The following TDP1 variants were observed in gnomAD, a reference collection of about 807,000 sequenced individuals.
The protein encoded by TDP1 is tyr-DNA phosphodiesterase 1.
TDP1 carries 64 observed loss-of-function variants against 81.5 expected under a neutral mutation model. The observed-to-expected ratio is 0.79, with a 90% CI of 0.64 to 0.97. The LOEUF (loss-of-function observed/expected upper bound fraction) is 0.97, where lower values mean the gene tolerates loss of function less well. Ranked by LOEUF, TDP1 falls within the 50% of genes least tolerant of loss-of-function variation. The probability of loss-of-function intolerance (pLI) is 0.00; values close to 1 mark genes in which losing one functional copy is unlikely to be tolerated. For synonymous variants in TDP1, 256 were observed against 264.3 expected (o/e 0.97, Z 0.30); for missense variants, 723 against 743.8 (o/e 0.97, Z 0.33).
chr14:89,963,210 T>G lies in TDP1; in HGVS notation c.96T>G (p.Ser32=). Residue 32 remains serine (S), a synonymous_variant, in exon 3 of 17, where the codon TCT becomes TCG. Coordinates refer to ENST00000335725, the MANE Select transcript of TDP1 (RefSeq NM_018319.4). ...AACCAGACAAGCCATCTACCTCTTC[T>G]CTTCTCTGTGCCAGGCAAGGAGCAG... ...KPKPDKPSTS[S]LLCARQGAAN... 1 of 1,614,172 alleles carries G rather than the reference T, an allele frequency of 6.2e-7. No homozygotes were observed. Among genetic ancestry groups the G allele is most frequent in the Non-Finnish European group, 8.5e-7 (1 of 1,180,030 alleles).
chr14:90,007,570 T>TA (rs1884189538), intron 14 of TDP1, among the ~76,000 whole-genome samples: 1 of 151,662 alleles, frequency 6.6e-6, no homozygotes, highest in Non-Finnish European at 1.5e-5. Context: ...ACCTGGGTAA[T>TA]AGAGCAAGAC....
At chr14:90,028,444 A>G (rs1403419239) in intron 15 of TDP1, among the ~76,000 whole-genome samples, 1 of 152,222 alleles carries the variant, frequency 6.6e-6, no homozygotes, top group African/African-American at 2.4e-5. Flanking sequence ...CAGAGCGACA[A>G]TCAGCTCTTT....
intron 7 of TDP1, among the ~76,000 whole-genome samples, chr14:89,976,612 C>T (rs968541748): frequency 6.9e-6 from 1 of 145,170 alleles, no homozygotes; most frequent in African/African-American, 2.6e-5. Context: ...TCTTGGCTCA[C>T]TGCAACCTCC....
At chr14:89,965,534 A>G (rs1892840757) in intron 3 of TDP1, among the ~76,000 whole-genome samples, 1 of 152,194 alleles carries the variant, frequency 6.6e-6, no homozygotes, top group African/African-American at 2.4e-5. Context: ...GGTCACGATG[A>G]TGGTGTACTT....
intron 7 of TDP1, among the ~76,000 whole-genome samples, chr14:89,979,064 G>C (rs983834962): frequency 1.3e-5 from 2 of 151,518 alleles, no homozygotes; most frequent in African/African-American, 4.9e-5. Context: ...TGTGTGAATT[G>C]AGTTTCATCA....
intron 2 of TDP1, among the ~76,000 whole-genome samples, chr14:89,961,136 A>G (rs944331753): frequency 2.6e-5 from 4 of 152,194 alleles, no homozygotes; most frequent in African/African-American, 9.7e-5. Context: ...GTAATGAGCA[A>G]ACGTGTGTTT....
intron 6 of TDP1, among the ~76,000 whole-genome samples, chr14:89,972,399 A>T (rs1234661338): frequency 6.6e-6 from 1 of 152,202 alleles, no homozygotes; most frequent in Non-Finnish European, 1.5e-5. Flanking sequence ...ATCACCTCCT[A>T]CCAGGCCCCT....
At chr14:89,980,269 C>T in intron 7 of TDP1, 1 of 985,390 alleles carries the variant, frequency 1.0e-6, no homozygotes, top group Non-Finnish European at 1.2e-6. Context: ...AATAAGGGGC[C>T]AGGCTGGAGG....
intron 8 of TDP1, among the ~76,000 whole-genome samples, chr14:89,982,613 AG>A (rs1249268439): frequency 6.6e-6 from 1 of 152,162 alleles, no homozygotes; most frequent in Non-Finnish European, 1.5e-5. Context: ...GGTTGCCAGG[AG>A]GGAAGAGGCA....
At chr14:89,976,272 A>AT (rs1894304513) in intron 7 of TDP1, among the ~76,000 whole-genome samples, 1 of 151,756 alleles carries the variant, frequency 6.6e-6, no homozygotes, top group South Asian at 2.1e-4. Flanking sequence ...TGCCTGGCTA[A>AT]TTTTTTTGTA....
At chr14:89,997,716 C>A (rs555904415) in intron 14 of TDP1, among the ~76,000 whole-genome samples, 2 of 152,230 alleles carry the variant, frequency 1.3e-5, no homozygotes, top group East Asian at 3.9e-4. Flanking sequence ...CATTGCCAAA[C>A]AAATGAATTG....
chr14:89,992,271 G>A (rs571669650), intron 13 of TDP1, among the ~76,000 whole-genome samples: 1 of 152,290 alleles, frequency 6.6e-6, no homozygotes, highest in African/African-American at 2.4e-5. Context: ...ATTTACATAA[G>A]CAGCATTTTA....
At chr14:90,026,005 C>T (rs1348860259) in intron 15 of TDP1, among the ~76,000 whole-genome samples, 1 of 152,212 alleles carries the variant, frequency 6.6e-6, no homozygotes, top group African/African-American at 2.4e-5. Context: ...ATGAAAGTAG[C>T]CCAGGTGTCC....
At chr14:90,018,882 C>A in intron 14 of TDP1, 1 of 783,596 alleles carries the variant, frequency 1.3e-6, no homozygotes, top group Non-Finnish European at 1.5e-6. Flanking sequence ...ATTAGCACTA[C>A]CTGGCAAAAA....
At chr14:90,032,757 T>G (rs1887425539) in intron 15 of TDP1, 3 of 985,388 alleles carry the variant, frequency 3.0e-6, no homozygotes, top group Non-Finnish European at 3.6e-6. Context: ...TGAGGTATTT[T>G]TATACAGTGA....
intron 15 of TDP1, among the ~76,000 whole-genome samples, chr14:90,021,342 AT>A (rs1886071870): frequency 1.3e-5 from 2 of 152,184 alleles, no homozygotes; most frequent in Non-Finnish European, 2.9e-5. Flanking sequence ...AGGAGGTGTG[AT>A]TATAGTGACT....
At chr14:90,000,969 A>C (rs890455478) in intron 14 of TDP1, among the ~76,000 whole-genome samples, 36 of 152,346 alleles carry the variant, frequency 2.4e-4, no homozygotes, top group Admixed American at 2.2e-3. Flanking sequence ...TAAAAATAAT[A>C]GTCCTATAAA....
intron 14 of TDP1, among the ~76,000 whole-genome samples, chr14:90,009,152 T>G (rs2140215145): frequency 6.6e-6 from 1 of 152,394 alleles, no homozygotes; most frequent in South Asian, 2.1e-4. Flanking sequence ...ATTTGTGTCT[T>G]CACTGAAGCT....
At position 89,989,731 on chromosome 14, in the gene TDP1, G is replaced by A; in HGVS notation, c.1332G>A (p.Val444=). The A allele has an allele frequency of 6.2e-7, 1 of 1,611,166 alleles. No homozygotes were observed. The highest frequency in any genetic ancestry group is 8.5e-7 in the Non-Finnish European group (1 of 1,177,500). The change falls in exon 12 of 17, where the codon GTG becomes GTA. Residue 444 remains valine, a synonymous_variant. Transcript: ENST00000335725. The part of the protein sequence containing the change: ...SVPLYLIYPS[V]ENVRTSLEGY... ...CTTATTTTTAGATCTATCCTTCTGT[G>A]GAAAATGTGCGGACCAGTTTAGAAG... is the stretch of plus-strand genomic sequence containing the variant.
Sources: allele counts gnomAD v4.1 joint callset (sites outside exome capture counted in the v4.1 genomes callset), GRCh38; gene constraint gnomAD v4.1.1; transcripts MANE v1.5; gene names NCBI Gene and HGNC (gene_info 2026-07-23, HGNC 2026-07-21).